Variants in NPHP4 observed in about 807,000 individuals in gnomAD.
NPHP4 encodes the protein nephrocystin 4, also known as nephrocystin-4.
NPHP4 carries 151 observed loss-of-function variants against 155.8 expected under a neutral mutation model. The ratio of observed to expected loss-of-function variants is 0.97; its 90% CI spans 0.85 to 1.11. The LOEUF (loss-of-function observed/expected upper bound fraction) is 1.11, where lower values mean the gene tolerates loss of function less well. Among genes scored for constraint, NPHP4 ranks in the 50% least tolerant of loss-of-function variants. The probability of loss-of-function intolerance (pLI) is 0.00; values close to 1 mark genes in which losing one functional copy is unlikely to be tolerated. For synonymous variants in NPHP4, 845 were observed against 816.8 expected (o/e 1.03, Z -0.59); for missense variants, 1,956 against 1,925.7 (o/e 1.02, Z -0.29).
chr1:5,922,617 T>C (rs1645798781), intron 11 of NPHP4, among the ~76,000 whole-genome samples: 2 of 152,028 alleles, frequency 1.3e-5, no homozygotes, highest in Non-Finnish European at 2.9e-5. Flanking sequence ...GGCCAGGAGT[T>C]CAAGAGCAGC....
At chr1:5,904,000 T>A (rs1289000247) in intron 16 of NPHP4, among the ~76,000 whole-genome samples, 2 of 152,188 alleles carry the variant, frequency 1.3e-5, no homozygotes, top group Non-Finnish European at 2.9e-5. Flanking sequence ...TAACTCCCAA[T>A]TTACAGCTAA....
At chr1:5,986,536 A>C (rs1358109601) in intron 1 of NPHP4, among the ~76,000 whole-genome samples, 3 of 152,174 alleles carry the variant, frequency 2.0e-5, no homozygotes, top group African/African-American at 7.2e-5. Flanking sequence ...AAAAAGGAAA[A>C]ATAAACGTAG....
At chr1:5,863,788 C>T (rs1429459831) in intron 29 of NPHP4, 102 bp downstream of exon 29, 2 of 1,300,512 alleles carry the variant, frequency 1.5e-6, no homozygotes, top group South Asian at 1.2e-5. Flanking sequence ...TTTTGGAAGA[C>T]TGCTGGTGAT....
At chr1:5,973,367 G>A (rs1444350137) in intron 3 of NPHP4, among the ~76,000 whole-genome samples, 1 of 152,242 alleles carries the variant, frequency 6.6e-6, no homozygotes, top group Non-Finnish European at 1.5e-5. Context: ...ACTTAGAAAA[G>A]TAAGTGAGCA....
chr1:5,922,542 G>GT (rs57418765), intron 11 of NPHP4, among the ~76,000 whole-genome samples: 5,356 of 146,930 alleles, frequency 0.036, 280 homozygotes, highest in African/African-American at 0.12. Flanking sequence ...CTTGACTATG[G>GT]TTTTTTTTTT....
At chr1:5,883,404 G>A (rs1643486297) in intron 18 of NPHP4, among the ~76,000 whole-genome samples, 1 of 152,190 alleles carries the variant, frequency 6.6e-6, no homozygotes, top group African/African-American at 2.4e-5. Flanking sequence ...ACATGATGGG[G>A]AGAAAGTGCC....
chr1:5,964,962 G>T (rs1651201196), intron 5 of NPHP4, among the ~76,000 whole-genome samples: 1 of 16,382 alleles, frequency 6.1e-5, no homozygotes, highest in Non-Finnish European at 1.3e-4. Flanking sequence ...TTGAGGCAGG[G>T]TCTCACCGTC....
In NPHP4 at chr1:5,961,878, G is replaced by A; in HGVS notation, c.589C>T (p.Pro197Ser). Residue 197 changes from proline (P) to serine (S), a missense_variant, in exon 6 of 30, where the codon CCT (proline) becomes TCT (serine). Coordinates refer to ENST00000378156, the MANE Select transcript of NPHP4 (RefSeq NM_015102.5). ...YTLKPHPALE[P>S]AFHLLPENLL... is the part of the protein sequence containing the mutation. ...TTCTCAGGAAGAAGGTGGAACGCAG[G>A]CTCCAGGGCCGGGTGTGGCTTCAGC... The A allele has an allele frequency of 6.2e-7, 1 of 1,613,868 alleles. No homozygotes were observed.
chr1:5,935,068 C>T (rs184637024), intron 9 of NPHP4, among the ~76,000 whole-genome samples: 2 of 152,324 alleles, frequency 1.3e-5, no homozygotes, highest in Admixed American at 6.5e-5. Flanking sequence ...GGCTAAACCA[C>T]AGCCAACTTC....
intron 5 of NPHP4, among the ~76,000 whole-genome samples, chr1:5,966,498 T>G (rs1317945606): frequency 6.6e-6 from 1 of 152,174 alleles, no homozygotes; most frequent in East Asian, 1.9e-4. Context: ...TCCACCTGCC[T>G]CAGCCACCAA....
chr1:5,902,373 G>A lies in NPHP4; in HGVS notation c.2143+2244C>T, dbSNP rs561413252. On this transcript the variant is annotated intron_variant, in intron 16 of 29. Coordinates refer to ENST00000378156, the MANE Select transcript of NPHP4 (RefSeq NM_015102.5). ...TCCACATCAGGGGCTGGCGCCAGTG[G>A]GCACAGCTGGCTCTCAGACCAACCA... Among the ~76,000 whole-genome samples, 97 of 152,242 alleles carry A rather than the reference G, an allele frequency of 6.4e-4. No homozygotes were observed. In the Middle Eastern group the frequency reaches 0.01, roughly 16 times the overall value.
chr1:5,877,394 G>A (rs1323180102), intron 19 of NPHP4, 96 bp from the exon 20 acceptor site: 15 of 985,062 alleles, frequency 1.5e-5, no homozygotes, highest in Non-Finnish European at 2.2e-5. Context: ...CCTATATAGG[G>A]AGGGAGCTCA....
At chr1:5,922,119 A>G (rs1645771248) in intron 11 of NPHP4, among the ~76,000 whole-genome samples, 2 of 152,232 alleles carry the variant, frequency 1.3e-5, no homozygotes, top group South Asian at 2.1e-4. Flanking sequence ...TGACAACTGG[A>G]AAGTGCTACA....
At chr1:5,906,673 A>G (rs1408392657) in intron 13 of NPHP4, among the ~76,000 whole-genome samples, 1 of 152,276 alleles carries the variant, frequency 6.6e-6, no homozygotes, top group African/African-American at 2.4e-5. Context: ...GGCCAGTGGC[A>G]ATGCCAGTCT....
At chr1:5,869,267 G>GCACACCCA (rs1461720032) in intron 23 of NPHP4, among the ~76,000 whole-genome samples, 1 of 129,390 alleles carries the variant, frequency 7.7e-6, no homozygotes, top group East Asian at 2.3e-4. Flanking sequence ...ACACCCACAT[G>GCACACCCA]CATGCATGCA....
At chr1:5,899,024 C>T (rs1272745339) in intron 16 of NPHP4, among the ~76,000 whole-genome samples, 2 of 152,166 alleles carry the variant, frequency 1.3e-5, no homozygotes, top group Admixed American at 6.5e-5. Flanking sequence ...AGAAAACCAG[C>T]GATCACCACG....
In NPHP4 at chr1:5,948,244, C is replaced by T; in HGVS notation, c.818G>A (p.Gly273Asp). ...HVQDHFQEGCGPLDGGALEIL... is the reference protein window; with the variant it reads ...HVQDHFQEGCDPLDGGALEIL... ...CTCCAGGGCACCACCGTCCAGTGGG[C>T]CACATCCCTGGAAGAGGCACAGAAG... The change falls in exon 8 of 30, where the codon GGC becomes GAC. Residue 273 changes from glycine to aspartate, a missense_variant. Physicochemically the swap from Gly to Asp is moderately conservative, Grantham distance 94. Coordinates refer to ENST00000378156, the MANE Select transcript of NPHP4 (RefSeq NM_015102.5). 2 of 1,566,750 alleles carry T rather than the reference C, an allele frequency of 1.3e-6. No individual in the cohort carries two copies. The highest frequency in any genetic ancestry group is 8.6e-7 in the Non-Finnish European group (1 of 1,159,466).
chr1:5,991,407 T>A (rs1319809005), intron 1 of NPHP4: 1 of 152,200 alleles, frequency 6.6e-6, no homozygotes, highest in Non-Finnish European at 1.5e-5. Flanking sequence ...CTGCCCACCA[T>A]CAACAGAAAT....
At chr1:5,883,750 T>C (rs1184166426) in intron 18 of NPHP4, among the ~76,000 whole-genome samples, 4 of 152,204 alleles carry the variant, frequency 2.6e-5, no homozygotes, top group Non-Finnish European at 5.9e-5. Context: ...GTTCCCTGAA[T>C]CGCAGACGAG....
Sources: gnomAD v4.1 joint callset for allele counts (sites outside exome capture counted in the v4.1 genomes callset) on GRCh38, gnomAD v4.1.1 for gene constraint, MANE v1.5 for transcripts, NCBI Gene and HGNC (gene_info 2026-07-23, HGNC 2026-07-21) for gene names.